CACNA1A: variants seen among roughly 807,000 people sequenced by gnomAD.
The protein encoded by CACNA1A is calcium voltage-gated channel subunit alpha1 A.
CACNA1A carries 57 observed loss-of-function variants against 262.4 expected under a neutral mutation model. The ratio of observed to expected loss-of-function variants is 0.22; its 90% CI spans 0.18 to 0.27. CACNA1A has a LOEUF of 0.27. Among genes scored for constraint, CACNA1A ranks in the 10% least tolerant of loss-of-function variants. CACNA1A has a pLI of 1.00. For synonymous variants in CACNA1A, 1,431 were observed against 1,419.3 expected (o/e 1.01, Z -0.18); for missense variants, 2,526 against 3,562.8 (o/e 0.71, Z 7.41).
intron 34 of CACNA1A, among the ~76,000 whole-genome samples, chr19:13,234,350 C>CAAAAAAAAAA (rs71168693): frequency 1.4e-4 from 10 of 71,232 alleles, no homozygotes; most frequent in Non-Finnish European, 2.1e-4. Flanking sequence ...ACTCCATCTC[C>CAAAAAAAAAA]AAAAAAAAAA....
chr19:13,479,004 T>C (rs958928860), intron 1 of CACNA1A, among the ~76,000 whole-genome samples: 5 of 152,128 alleles, frequency 3.3e-5, no homozygotes, highest in African/African-American at 1.2e-4. Context: ...TGAAACCCCA[T>C]CTGTACTAAA....
chr19:13,388,969 G>A (rs1378947562), intron 3 of CACNA1A, among the ~76,000 whole-genome samples: 2 of 151,940 alleles, frequency 1.3e-5, no homozygotes, highest in Non-Finnish European at 2.9e-5. Context: ...GTGGCACGAT[G>A]TCGGCTCACT....
chr19:13,276,066 C>A (rs1477988518), intron 23 of CACNA1A, 110 bp from the exon 24 acceptor site: 5 of 670,596 alleles, frequency 7.5e-6, no homozygotes, highest in Non-Finnish European at 1.1e-5. Flanking sequence ...AATGAGGCCA[C>A]CTCATCTTGC....
At chr19:13,425,134 G>A (rs1427246567) in intron 3 of CACNA1A, among the ~76,000 whole-genome samples, 1 of 152,122 alleles carries the variant, frequency 6.6e-6, no homozygotes, top group Admixed American at 6.6e-5. Flanking sequence ...AGTAAGCTGG[G>A]TAATAAGACT....
intron 1 of CACNA1A, among the ~76,000 whole-genome samples, chr19:13,466,459 G>A (rs1444033658): frequency 1.3e-5 from 2 of 151,902 alleles, no homozygotes; most frequent in Non-Finnish European, 2.9e-5. Context: ...TCGTGCCTCA[G>A]CCTCCCTGGT....
chr19:13,433,094 C>G (rs7251866), intron 3 of CACNA1A, among the ~76,000 whole-genome samples: 3,376 of 151,966 alleles, frequency 0.022, 112 homozygotes, highest in African/African-American at 0.077. Context: ...GAGATGGAGA[C>G]CATCCTGGCT....
chr19:13,426,883 GC>G (rs2060411238), intron 3 of CACNA1A, among the ~76,000 whole-genome samples: 1 of 152,130 alleles, frequency 6.6e-6, no homozygotes, highest in Non-Finnish European at 1.5e-5. Flanking sequence ...CTCTGCCTGA[GC>G]CTCTGAATGT....
At chr19:13,459,891 A>G (rs1658385357) in intron 1 of CACNA1A, among the ~76,000 whole-genome samples, 1 of 152,132 alleles carries the variant, frequency 6.6e-6, no homozygotes, top group Non-Finnish European at 1.5e-5. Context: ...CAGGGTTTCA[A>G]CTGGCCAGTG....
intron 3 of CACNA1A, among the ~76,000 whole-genome samples, chr19:13,380,702 G>T (rs976285825): frequency 5.1e-5 from 7 of 138,222 alleles, no homozygotes; most frequent in African/African-American, 2.7e-5. Flanking sequence ...CATTAAAAAA[G>T]TAAAAAGAAA....
intron 6 of CACNA1A, among the ~76,000 whole-genome samples, chr19:13,351,437 G>C (rs2058905795): frequency 6.6e-5 from 10 of 152,120 alleles, no homozygotes; most frequent in Admixed American, 6.5e-4. Flanking sequence ...GAACTGCTGG[G>C]CTCAAGCAAT....
chr19:13,309,147 T>C (rs1304377252), intron 12 of CACNA1A, among the ~76,000 whole-genome samples: 1 of 152,144 alleles, frequency 6.6e-6, no homozygotes, highest in Non-Finnish European at 1.5e-5. Flanking sequence ...TAACTGGGAT[T>C]ACAGGCACCC....
intron 6 of CACNA1A, among the ~76,000 whole-genome samples, chr19:13,339,062 C>T (rs1255192460): frequency 6.6e-6 from 1 of 152,068 alleles, no homozygotes; most frequent in Non-Finnish European, 1.5e-5. Context: ...GATGGGGTTT[C>T]ACCATGTTGG....
chr19:13,282,481 T>C (rs890066073), intron 22 of CACNA1A, among the ~76,000 whole-genome samples: 4 of 152,086 alleles, frequency 2.6e-5, no homozygotes, highest in Non-Finnish European at 4.4e-5. Context: ...CATGCACTCA[T>C]TCCTGCTTGT....
chr19:13,374,737 G>C (rs2059377058), intron 3 of CACNA1A, among the ~76,000 whole-genome samples: 1 of 152,208 alleles, frequency 6.6e-6, no homozygotes. Flanking sequence ...TAAGTCCTTA[G>C]TATTTCACTT....
chr19:13,240,147 TCTA>T (rs2056023136), intron 31 of CACNA1A, among the ~76,000 whole-genome samples: 1 of 106,440 alleles, frequency 9.4e-6, no homozygotes, highest in South Asian at 3.7e-4. Context: ...CGAGACTCTG[TCTA>T]AAAAAAAAAA....
At chr19:13,239,821 GAC>G (rs1432048065) in intron 31 of CACNA1A, among the ~76,000 whole-genome samples, 1 of 152,024 alleles carries the variant, frequency 6.6e-6, no homozygotes, top group Non-Finnish European at 1.5e-5. Flanking sequence ...ATGCATGCAT[GAC>G]TGTATGTGAG....
In CACNA1A at chr19:13,241,655, A is replaced by C. The variant is rs935822810; in HGVS notation, c.4950+3527T>G. 9 of 428,214 alleles carry C rather than the reference A, an allele frequency of 2.1e-5. No homozygotes were observed. Among genetic ancestry groups the C allele is most frequent in the Non-Finnish European group, 4.2e-5 (9 of 215,538 alleles). The allele number at this position is 428,214 out of a possible 1,614,324, so 26.5% of individuals were successfully genotyped here. The stretch of plus-strand genomic sequence containing the variant: ...AATGGGTTTCGGTTCCCGGGCGGGG[A>C]GTGGGGGTGGTGGTGGCGGTGGGTT... On this transcript the variant is annotated intron_variant, in intron 31 of 46. Transcript: ENST00000360228. The surrounding 1 kb of genome is among the most constrained non-coding windows in gnomAD (Gnocchi z 4.0).
intron 8 of CACNA1A, chr19:13,333,863 A>ATT (rs1371163362): frequency 6.5e-6 from 1 of 152,686 alleles, no homozygotes; most frequent in East Asian, 1.9e-4. Flanking sequence ...GAGGGCAGGG[A>ATT]TTTGGTGTGT....
At chr19:13,379,478 G>A (rs1266297359) in intron 3 of CACNA1A, among the ~76,000 whole-genome samples, 1 of 152,154 alleles carries the variant, frequency 6.6e-6, no homozygotes, top group African/African-American at 2.4e-5. Context: ...TATGACAGAT[G>A]TTAGGGCGAT....
Sources: allele counts gnomAD v4.1 joint callset (sites outside exome capture counted in the v4.1 genomes callset), GRCh38; gene constraint gnomAD v4.1.1; non-coding constraint Gnocchi (gnomAD v3.1); transcripts MANE v1.5; gene names NCBI Gene and HGNC (gene_info 2026-07-23, HGNC 2026-07-21).